NECTIN3: variants seen among roughly 807,000 people sequenced by gnomAD.
NECTIN3 encodes nectin-3.
NECTIN3 carries 8 observed loss-of-function variants against 49.4 expected under a neutral mutation model. The ratio of observed to expected loss-of-function variants is 0.16; its 90% CI spans 0.10 to 0.29. NECTIN3 has a LOEUF of 0.29. NECTIN3 is among the 10% of genes least tolerant of loss of function. NECTIN3 has a pLI of 1.00. For synonymous variants in NECTIN3, 277 were observed against 241.1 expected (o/e 1.15, Z -1.38); for missense variants, 581 against 654.6 (o/e 0.89, Z 1.23).
In NECTIN3 at chr3:111,136,941, C is replaced by G; in HGVS notation, c.*2726C>G. On this transcript the variant is annotated 3_prime_UTR_variant, in exon 6 of 6. Transcript: ENST00000485303. Reference sequence around the variant, plus strand: ...AGAGTTGAAAGATTTAGTATTTTACCACGTGCCTAGTAGGGTTCTATTTGC... The same window carrying G: ...AGAGTTGAAAGATTTAGTATTTTACGACGTGCCTAGTAGGGTTCTATTTGC... 1.0e-6 allele frequency: 1 copy of G among 973,474 alleles called. No individual in the cohort carries two copies. Among genetic ancestry groups the G allele is most frequent in the Non-Finnish European group, 1.2e-6 (1 of 819,428 alleles). 60.3% of individuals were successfully genotyped at this position (973,474 alleles called of 1,614,324 possible). A position where few individuals can be genotyped will look rare whatever the true frequency, so the allele number is the denominator to read the frequency against.
chr3:111,155,230 C>A (rs1191888765), intron 7 of NECTIN3, among the ~76,000 whole-genome samples: 1 of 152,206 alleles, frequency 6.6e-6, no homozygotes, highest in East Asian at 1.9e-4. Flanking sequence ...AGCCGCCACG[C>A]CCAGCCAACA....
At chr3:111,119,393 G>A (rs1360701522) in intron 3 of NECTIN3, among the ~76,000 whole-genome samples, 2 of 152,140 alleles carry the variant, frequency 1.3e-5, no homozygotes, top group African/African-American at 4.8e-5. Flanking sequence ...GTGTAGTGGC[G>A]TCATCTCTGC....
chr3:111,073,893 T>G (rs1376399104), intron 1 of NECTIN3, among the ~76,000 whole-genome samples: 1 of 152,246 alleles, frequency 6.6e-6, no homozygotes, highest in Non-Finnish European at 1.5e-5. Flanking sequence ...ACACATTGGT[T>G]TTCACATGGA....
At chr3:111,112,009 G>A in intron 1 of NECTIN3, 21 bp from the exon 2 acceptor site, 1 of 1,542,014 alleles carries the variant, frequency 6.5e-7, no homozygotes, top group Non-Finnish European at 8.8e-7. Flanking sequence ...AAAAATTGTA[G>A]TACTTTTTTT....
intron 2 of NECTIN3, among the ~76,000 whole-genome samples, chr3:111,118,248 C>A (rs1440816787): frequency 7.3e-4 from 57 of 77,980 alleles, no homozygotes; most frequent in South Asian, 2.2e-3. Flanking sequence ...TAAAATGAAG[C>A]TATATATATA....
intron 1 of NECTIN3, among the ~76,000 whole-genome samples, chr3:111,098,165 C>G (rs1303691818): frequency 1.3e-5 from 2 of 152,216 alleles, no homozygotes; most frequent in African/African-American, 2.4e-5. Flanking sequence ...TAAACTAACA[C>G]TGATTCTAGG....
At position 111,174,382 on chromosome 3, in the gene NECTIN3, C is replaced by G. The variant is rs538186109; in HGVS notation, c.1222-17969C>G. Among the ~76,000 whole-genome samples the G allele has an allele frequency of 4.8e-4, 73 of 152,222 alleles. 1 individual carries two copies. In the Middle Eastern group the frequency reaches 0.014, roughly 28 times the overall value. ...AATCATTTTTCTCACTTAATATGAACGTTCAATTTTCCACTGCGGATATAT... is the reference window on the plus strand; with the variant it reads ...AATCATTTTTCTCACTTAATATGAAGGTTCAATTTTCCACTGCGGATATAT... On this transcript the variant is annotated intron_variant, in intron 7 of 8. Coordinates refer to the NECTIN3 transcript ENST00000493615.
chr3:111,100,914 A>G (rs1175737990), intron 1 of NECTIN3, among the ~76,000 whole-genome samples: 1 of 152,064 alleles, frequency 6.6e-6, no homozygotes, highest in Non-Finnish European at 1.5e-5. Context: ...AAAATCATTG[A>G]GATTTTGAAC....
intron 7 of NECTIN3, among the ~76,000 whole-genome samples, chr3:111,173,121 G>GGTC (rs10658568): frequency 0.067 from 10,190 of 152,000 alleles, 784 homozygotes; most frequent in East Asian, 0.23. Context: ...ACCCTTTCTG[G>GGTC]GTCTGTTAGG....
chr3:111,127,303 C>T (rs1017122772), intron 5 of NECTIN3, among the ~76,000 whole-genome samples: 9 of 152,072 alleles, frequency 5.9e-5, no homozygotes, highest in South Asian at 2.1e-4. Flanking sequence ...AAAAGTACCA[C>T]GTATTATATT....
In NECTIN3 at chr3:111,072,085, C is replaced by T. The variant is rs754344010; in HGVS notation, c.68C>T (p.Ser23Phe). ...GGCAAAGCACAACTTTCCTCCGCTT[C>T]TCTCCTCGGAGCCGGGCTCCTGCTG... The part of the protein sequence containing the change: ...GGGKAQLSSA[S>F]LLGAGLLLQP... Residue 23 changes from serine (S) to phenylalanine (F), a missense_variant, in exon 1 of 6, where the codon TCT (serine) becomes TTT (phenylalanine). Physicochemically the swap from Ser to Phe is radical, Grantham distance 155. This residue lies in a region of NECTIN3 where 109 missense variants were observed against 69.1 expected (regional missense o/e 1.58). Transcript: ENST00000485303. 4.5e-6 allele frequency: 7 copies of T among 1,549,524 alleles called. No homozygotes were observed. The highest frequency in any genetic ancestry group is 1.2e-5 in the South Asian group (1 of 83,822).
At chr3:111,121,507 A>T (rs1378237934) in intron 3 of NECTIN3, among the ~76,000 whole-genome samples, 2 of 152,158 alleles carry the variant, frequency 1.3e-5, no homozygotes, top group Non-Finnish European at 2.9e-5. Flanking sequence ...CATGGAATGG[A>T]TGAAAATTCA....
At chr3:111,072,503 G>C (rs2030851266) in intron 1 of NECTIN3, 1 of 1,535,902 alleles carries the variant, frequency 6.5e-7, no homozygotes, top group Non-Finnish European at 8.7e-7. Flanking sequence ...CATTCTCTGG[G>C]AACCCTCGTA....
intron 4 of NECTIN3, among the ~76,000 whole-genome samples, chr3:111,125,177 C>T (rs1049580618): frequency 1.3e-5 from 2 of 151,276 alleles, no homozygotes; most frequent in Non-Finnish European, 1.5e-5. Flanking sequence ...TACAGGCACC[C>T]GCCACCATGC....
chr3:111,186,564 A>G (rs1303766561), intron 7 of NECTIN3, among the ~76,000 whole-genome samples: 1 of 152,098 alleles, frequency 6.6e-6, no homozygotes, highest in African/African-American at 2.4e-5. Context: ...ATCAACTCCT[A>G]CCTATTGGAT....
chr3:111,119,981 A>G (rs2033875454), intron 3 of NECTIN3, among the ~76,000 whole-genome samples: 1 of 152,126 alleles, frequency 6.6e-6, no homozygotes, highest in Non-Finnish European at 1.5e-5. Flanking sequence ...ATCTTTTTCA[A>G]CCTTTATAGG....
intron 1 of NECTIN3, among the ~76,000 whole-genome samples, chr3:111,110,557 A>T (rs1266059681): frequency 1.3e-5 from 2 of 151,962 alleles, no homozygotes; most frequent in Non-Finnish European, 2.9e-5. Flanking sequence ...TATTCATGAG[A>T]CTACTTTTTT....
chr3:111,190,685 AC>A (rs2035799222), upstream of NECTIN3, among the ~76,000 whole-genome samples: 1 of 152,174 alleles, frequency 6.6e-6, no homozygotes, highest in African/African-American at 2.4e-5. Context: ...CCACTCTTAT[AC>A]CCTATTCGCT....
At chr3:111,127,465 CTT>C (rs35153084) in intron 5 of NECTIN3, among the ~76,000 whole-genome samples, 143 of 101,160 alleles carry the variant, frequency 1.4e-3, no homozygotes, top group Non-Finnish European at 2.1e-3. Context: ...TGCAAACTTT[CTT>C]TTTTTTTTTT....
Sources: gnomAD v4.1 joint callset for allele counts (sites outside exome capture counted in the v4.1 genomes callset) on GRCh38, gnomAD v4.1.1 for gene constraint, gnomAD v4.1.1 regional missense constraint, MANE v1.5 for transcripts, NCBI Gene and HGNC (gene_info 2026-07-23, HGNC 2026-07-21) for gene names.